The following DPP6 variants were observed in gnomAD, a reference collection of about 807,000 sequenced individuals.
The protein encoded by DPP6 is dipeptidyl peptidase like 6, also known as A-type potassium channel modulatory protein DPP6.
A neutral mutation model predicts 122.6 loss-of-function variants in DPP6; 69 were observed. The ratio of observed to expected loss-of-function variants is 0.56; its 90% CI spans 0.46 to 0.69. DPP6 has a LOEUF of 0.69. Ranked by LOEUF, DPP6 falls within the 30% of genes least tolerant of loss-of-function variation. The pLI is 0.00. For synonymous variants in DPP6, 418 were observed against 433.1 expected, an observed-to-expected ratio of 0.97 and a Z score of 0.43; for missense variants, 928 against 1,116.9, an observed-to-expected ratio of 0.83 and a Z score of 2.41.
chr7:154,383,540 A>G (rs529478755), intron 1 of DPP6, among the ~76,000 whole-genome samples: 33 of 152,342 alleles, frequency 2.2e-4, no homozygotes, highest in African/African-American at 7.7e-4. Flanking sequence ...CAATAATTAC[A>G]TGAAAAAATA....
intron 8 of DPP6, among the ~76,000 whole-genome samples, chr7:154,766,712 C>T (rs181336647): frequency 2.4e-4 from 36 of 152,298 alleles, no homozygotes; most frequent in Non-Finnish European, 5.0e-4. Context: ...CTGATAAGAT[C>T]GATGGAAATA....
chr7:154,656,858 G>A (rs1261676101), intron 6 of DPP6, among the ~76,000 whole-genome samples: 6 of 139,698 alleles, frequency 4.3e-5, no homozygotes, highest in African/African-American at 1.6e-4. Flanking sequence ...TGTGGGAGGA[G>A]GTGCCCAGTG....
intron 1 of DPP6, among the ~76,000 whole-genome samples, chr7:153,928,874 A>G (rs916572595): frequency 6.6e-6 from 1 of 152,176 alleles, no homozygotes; most frequent in Non-Finnish European, 1.5e-5. Flanking sequence ...CAAGTGGACA[A>G]GAGTCCATGC....
At chr7:153,888,647 A>G (rs1302839737) in intron 1 of DPP6, among the ~76,000 whole-genome samples, 1 of 145,672 alleles carries the variant, frequency 6.9e-6, no homozygotes, top group Non-Finnish European at 1.5e-5. Context: ...TTAACCCATT[A>G]GGTCATGGTC....
chr7:153,846,613 ATTC>A, the DPP6 span, among the ~76,000 whole-genome samples: 7 of 135,488 alleles, frequency 5.2e-5, no homozygotes, highest in African/African-American at 1.4e-4. Flanking sequence ...TCCAATCTCT[ATTC>A]TTCTTCTGCA....
rs541586337 is a variant in DPP6, at chr7:154,697,462, C to T, written c.762+28021C>T. 2.6e-5 allele frequency among the ~76,000 whole-genome samples: 4 copies of T among 152,368 alleles called. No homozygotes were observed. The South Asian group carries it at 8.3e-4, about 32-fold the overall frequency. ...GGAAAGAGCCCAGGATCCTGCACAG[C>T]CCCTTGGCTCTGCTGTGGCCTCTCA... On this transcript the variant is annotated intron_variant, in intron 7 of 25. Transcript: ENST00000377770.
chr7:154,630,763 A>G (rs1487410405), intron 5 of DPP6, among the ~76,000 whole-genome samples: 1 of 152,274 alleles, frequency 6.6e-6, no homozygotes, highest in South Asian at 2.1e-4. Context: ...GGAGGGGAAC[A>G]TCACACACTG....
chr7:153,793,203 C>T, the DPP6 span, among the ~76,000 whole-genome samples: 2 of 151,892 alleles, frequency 1.3e-5, no homozygotes, highest in South Asian at 2.1e-4. Context: ...CAGAAGAAGA[C>T]AGGAAAATGT....
intron 12 of DPP6, among the ~76,000 whole-genome samples, chr7:154,797,555 T>C (rs976880552): frequency 1.3e-5 from 2 of 152,186 alleles, no homozygotes; most frequent in African/African-American, 4.8e-5. Flanking sequence ...GGCTACCTTA[T>C]TGTACAATTC....
At chr7:154,043,392 T>C (rs1799859948) in intron 1 of DPP6, among the ~76,000 whole-genome samples, 1 of 6,314 alleles carries the variant, frequency 1.6e-4, no homozygotes, top group African/African-American at 7.5e-4. Context: ...AAACTCCATC[T>C]CAAAAAAAAA....
chr7:153,858,315 A>G, the DPP6 span, among the ~76,000 whole-genome samples: 2 of 152,186 alleles, frequency 1.3e-5, no homozygotes, highest in African/African-American at 4.8e-5. Flanking sequence ...CCCTGATTCA[A>G]TCACCCAGGG....
intron 1 of DPP6, among the ~76,000 whole-genome samples, chr7:154,180,698 T>C (rs1798040283): frequency 6.6e-6 from 1 of 151,794 alleles, no homozygotes; most frequent in Admixed American, 6.6e-5. Flanking sequence ...GGAAAAGATA[T>C]TCTAGGAATG....
At position 154,486,969 on chromosome 7, in the gene DPP6, A is replaced by T. The variant is rs1011042319; in HGVS notation, c.457+11932A>T. On this transcript the variant is annotated intron_variant, in intron 3 of 25. Coordinates refer to ENST00000377770, the MANE Select transcript of DPP6 (RefSeq NM_130797.4). The surrounding 1 kb of genome is among the most constrained non-coding windows in gnomAD (Gnocchi z 4.5). ...CTGGGCCAACTTGCTTCCTGCAGAGATACATGTTCAGACTCTACTAATTAC... is the reference window on the plus strand; with the variant it reads ...CTGGGCCAACTTGCTTCCTGCAGAGTTACATGTTCAGACTCTACTAATTAC... 1.1e-4 allele frequency among the ~76,000 whole-genome samples: 17 copies of T among 152,170 alleles called. No individual in the cohort carries two copies. Among genetic ancestry groups the T allele is most frequent in the African/African-American group, 4.1e-4 (17 of 41,434 alleles).
At chr7:154,708,952 G>A (rs1840988921) in intron 7 of DPP6, among the ~76,000 whole-genome samples, 1 of 152,074 alleles carries the variant, frequency 6.6e-6, no homozygotes, top group Non-Finnish European at 1.5e-5. Flanking sequence ...GGAGGCTGAG[G>A]CAAGAGAATT....
chr7:154,066,317 C>G (rs1048552245), intron 1 of DPP6, among the ~76,000 whole-genome samples: 1 of 152,168 alleles, frequency 6.6e-6, no homozygotes, highest in African/African-American at 2.4e-5. Context: ...GCCTTGGCCT[C>G]CCAAAGTGTT....
chr7:153,951,126 T>TG (rs58569482), intron 1 of DPP6, among the ~76,000 whole-genome samples: 110,222 of 151,954 alleles, frequency 0.73, 40,480 homozygotes, highest in East Asian at 1. Context: ...AGGCCAAAGT[T>TG]CCCATTGTCT....
At chr7:154,883,337 C>T (rs867269919) in intron 21 of DPP6, among the ~76,000 whole-genome samples, 21 of 149,526 alleles carry the variant, frequency 1.4e-4, no homozygotes, top group Admixed American at 2.0e-4. Flanking sequence ...CATGGTGTCA[C>T]ACACACGCTC....
intron 10 of DPP6, among the ~76,000 whole-genome samples, chr7:154,779,629 T>C (rs1388185752): frequency 6.6e-6 from 1 of 152,226 alleles, no homozygotes; most frequent in African/African-American, 2.4e-5. Context: ...AACTTTCAGG[T>C]GGCACAAAGC....
intron 1 of DPP6, among the ~76,000 whole-genome samples, chr7:153,966,160 G>C (rs924861274): frequency 8.0e-6 from 1 of 124,840 alleles, no homozygotes; most frequent in African/African-American, 3.0e-5. Flanking sequence ...GCGTTGAAAA[G>C]CTTCTCAGTT....
Sources: gnomAD v4.1 joint callset for allele counts (sites outside exome capture counted in the v4.1 genomes callset) on GRCh38, gnomAD v4.1.1 for gene constraint, Gnocchi (gnomAD v3.1) non-coding constraint, MANE v1.5 for transcripts, NCBI Gene and HGNC (gene_info 2026-07-23, HGNC 2026-07-21) for gene names.